The following GALNT13 variants were observed in gnomAD, a reference collection of about 807,000 sequenced individuals.
GALNT13 encodes the protein polypeptide N-acetylgalactosaminyltransferase 13, also known as UDP-GalNAc:polypeptide N-acetylgalactosaminyltransferase 13.
A neutral mutation model predicts 64.2 loss-of-function variants in GALNT13; 28 were observed. The observed-to-expected ratio is 0.44, with a 90% CI of 0.32 to 0.60. The LOEUF (loss-of-function observed/expected upper bound fraction) is 0.60, where lower values mean the gene tolerates loss of function less well. Ranked by LOEUF, GALNT13 falls within the 20% of genes least tolerant of loss-of-function variation. The pLI is 0.05. For missense variants in GALNT13, 577 were observed against 669.8 expected, an observed-to-expected ratio of 0.86 and a Z score of 1.53; for synonymous variants, 214 against 224.6, an observed-to-expected ratio of 0.95 and a Z score of 0.42.
the GALNT13 span, among the ~76,000 whole-genome samples, chr2:153,809,111 T>C: frequency 6.6e-6 from 1 of 152,206 alleles, no homozygotes; most frequent in East Asian, 1.9e-4. Flanking sequence ...TCAATCACCT[T>C]AAGCTCTCTT....
the GALNT13 span, among the ~76,000 whole-genome samples, chr2:153,742,310 C>T: frequency 2.6e-5 from 4 of 151,894 alleles, no homozygotes; most frequent in South Asian, 2.1e-4. Flanking sequence ...ACAATAAATT[C>T]GTAAATTTTT....
At chr2:153,291,700 C>A in the GALNT13 span, among the ~76,000 whole-genome samples, 150 of 134,444 alleles carry the variant, frequency 1.1e-3, no homozygotes, top group African/African-American at 3.9e-3. Context: ...ATGTCTGTTG[C>A]ATAATTTTTA....
chr2:153,848,653 G>T, the GALNT13 span, among the ~76,000 whole-genome samples: 1 of 151,978 alleles, frequency 6.6e-6, no homozygotes, highest in Non-Finnish European at 1.5e-5. Flanking sequence ...TATCACTACA[G>T]ATCTTACAGG....
chr2:153,721,858 G>A, the GALNT13 span, among the ~76,000 whole-genome samples: 74 of 151,392 alleles, frequency 4.9e-4, no homozygotes, highest in South Asian at 2.9e-3. Context: ...AATAATAATC[G>A]GAGACTTTAA....
chr2:153,334,818 A>G, the GALNT13 span, among the ~76,000 whole-genome samples: 1 of 152,108 alleles, frequency 6.6e-6, no homozygotes, highest in Admixed American at 6.5e-5. Flanking sequence ...ATAGTCTCCC[A>G]TGCTTGAGGA....
chr2:153,257,230 C>T, the GALNT13 span, among the ~76,000 whole-genome samples: 1 of 152,298 alleles, frequency 6.6e-6, no homozygotes, highest in South Asian at 2.1e-4. Context: ...TGCCGTCTGT[C>T]ACCCCTTTGT....
At chr2:153,881,492 A>G (rs1301558714) in intron 1 of GALNT13, among the ~76,000 whole-genome samples, 2 of 152,188 alleles carry the variant, frequency 1.3e-5, no homozygotes, top group Non-Finnish European at 2.9e-5. Context: ...AATTGTAGGT[A>G]ATTGGATGGT....
intron 4 of GALNT13, among the ~76,000 whole-genome samples, chr2:154,201,865 A>G (rs959163563): frequency 2.6e-5 from 4 of 152,118 alleles, no homozygotes; most frequent in Non-Finnish European, 5.9e-5. Flanking sequence ...TCCTTGTTCC[A>G]TTAGAGTGAC....
chr2:153,807,768 C>T, the GALNT13 span, among the ~76,000 whole-genome samples: 7 of 151,934 alleles, frequency 4.6e-5, no homozygotes, highest in Admixed American at 1.3e-4. Context: ...AGTCTTGAGA[C>T]GCTGGGATTA....
chr2:154,356,094 ACTATT>A (rs1696732989), intron 9 of GALNT13, among the ~76,000 whole-genome samples: 1 of 152,038 alleles, frequency 6.6e-6, no homozygotes, highest in Non-Finnish European at 1.5e-5. Context: ...CTCTTTGATC[ACTATT>A]CTATTGGTGA....
At chr2:153,511,204 AG>A in the GALNT13 span, among the ~76,000 whole-genome samples, 1 of 151,862 alleles carries the variant, frequency 6.6e-6, no homozygotes, top group South Asian at 2.1e-4. Flanking sequence ...CTCAGCAAAA[AG>A]GAAGAAATTG....
At chr2:153,382,721 A>G in the GALNT13 span, among the ~76,000 whole-genome samples, 3 of 152,100 alleles carry the variant, frequency 2.0e-5, no homozygotes, top group Non-Finnish European at 2.9e-5. Flanking sequence ...TATGAAATAC[A>G]TAAATCAGGG....
At chr2:154,357,004 T>C (rs942195571) in intron 9 of GALNT13, among the ~76,000 whole-genome samples, 1 of 151,972 alleles carries the variant, frequency 6.6e-6, no homozygotes, top group Non-Finnish European at 1.5e-5. Context: ...TGAAGATTGA[T>C]TGAAATGAAA....
At chr2:154,228,982 A>G (rs566287894) in intron 4 of GALNT13, among the ~76,000 whole-genome samples, 1 of 152,248 alleles carries the variant, frequency 6.6e-6, no homozygotes, top group East Asian at 1.9e-4. Flanking sequence ...ACCAAACTCT[A>G]CAAATACCAT....
intron 3 of GALNT13, among the ~76,000 whole-genome samples, chr2:153,995,280 A>T (rs1195875146): frequency 1.3e-5 from 2 of 152,158 alleles, no homozygotes; most frequent in African/African-American, 2.4e-5. Flanking sequence ...TGCCTATTTA[A>T]TAAATAAAAT....
intron 3 of GALNT13, among the ~76,000 whole-genome samples, chr2:153,968,940 G>T (rs996097676): frequency 7.3e-6 from 1 of 137,800 alleles, no homozygotes; most frequent in African/African-American, 2.8e-5. Context: ...TTTAAAATCA[G>T]AAATTCTTTG....
chr2:153,704,924 C>T, the GALNT13 span, among the ~76,000 whole-genome samples: 9 of 152,076 alleles, frequency 5.9e-5, no homozygotes, highest in African/African-American at 9.7e-5. Context: ...ACTCCTCAGT[C>T]GTGTGATAAA....
chr2:154,370,491 T>A (rs148180039), intron 9 of GALNT13, among the ~76,000 whole-genome samples: 63 of 152,138 alleles, frequency 4.1e-4, no homozygotes, highest in African/African-American at 1.3e-3. Flanking sequence ...AGATATGACA[T>A]AGAGTTAGTC....
chr2:153,744,578 C>T, the GALNT13 span, among the ~76,000 whole-genome samples: 1 of 152,114 alleles, frequency 6.6e-6, no homozygotes, highest in African/African-American at 2.4e-5. Context: ...TCTCTCTTAG[C>T]TCCGTCTCAA....
Sources: gnomAD v4.1 joint callset for allele counts (sites outside exome capture counted in the v4.1 genomes callset) on GRCh38, gnomAD v4.1.1 for gene constraint, MANE v1.5 for transcripts, NCBI Gene and HGNC (gene_info 2026-07-23, HGNC 2026-07-21) for gene names.